Variants in ACTR3C observed in about 807,000 individuals in gnomAD.
ACTR3C encodes the protein actin-related protein 3C.
A neutral mutation model predicts 26.3 loss-of-function variants in ACTR3C; 18 were observed. The ratio of observed to expected loss-of-function variants is 0.68; its 90% CI spans 0.47 to 1.01. ACTR3C has a LOEUF of 1.01. Among genes scored for constraint, ACTR3C ranks in the 50% least tolerant of loss-of-function variants. The pLI is 0.00. For missense variants in ACTR3C, 184 were observed against 250.7 expected, an observed-to-expected ratio of 0.73 and a Z score of 1.80; for synonymous variants, 55 against 94.5, an observed-to-expected ratio of 0.58 and a Z score of 2.42.
Position 150,295,196 on chromosome 7 carries a change from C to T in ACTR3C, c.45+56G>A, listed in dbSNP as rs1836634610. ...CGGAGAACCTTGGGAAATACCATTT[C>T]TTCCGCTACTAGACAGCTCAGGTGC... On this transcript the variant is annotated intron_variant, in intron 2 of 7. Transcript: ENST00000683684. The T allele has an allele frequency of 2.5e-6, 4 of 1,589,066 alleles. No homozygotes were observed. The Admixed American group carries it at 5.1e-5, about 20-fold the overall frequency.
chr7:149,973,103 T>C, the ACTR3C span, among the ~76,000 whole-genome samples: 311 of 151,694 alleles, frequency 2.1e-3, no homozygotes, highest in East Asian at 0.025. Flanking sequence ...AGCACAACTG[T>C]CCCCAGGTAA....
chr7:150,289,377 T>G (rs1451592283), intron 4 of ACTR3C, 73 bp downstream of exon 4: 4 of 1,474,916 alleles, frequency 2.7e-6, no homozygotes, highest in Non-Finnish European at 3.6e-6. Context: ...GCAGGGATGA[T>G]GGCACCAAGG....
chr7:149,885,285 G>A, the ACTR3C span, among the ~76,000 whole-genome samples: 4 of 152,186 alleles, frequency 2.6e-5, no homozygotes, highest in African/African-American at 4.8e-5. Flanking sequence ...AGGCCCTGAG[G>A]GGAGCCGAGT....
At chr7:150,224,883 T>C in the ACTR3C span, among the ~76,000 whole-genome samples, 1,217 of 152,296 alleles carry the variant, frequency 8.0e-3, 8 homozygotes, top group East Asian at 0.025. Context: ...TTTATGAATA[T>C]TTGTATGATA....
At chr7:150,027,239 T>TA in the ACTR3C span, among the ~76,000 whole-genome samples, 2 of 152,170 alleles carry the variant, frequency 1.3e-5, no homozygotes, top group African/African-American at 4.8e-5. Context: ...AATTACCTGA[T>TA]ACCTCGGTGT....
chr7:150,086,587 T>A, the ACTR3C span, among the ~76,000 whole-genome samples: 1 of 152,074 alleles, frequency 6.6e-6, no homozygotes, highest in Non-Finnish European at 1.5e-5. Context: ...GAATTAGGTA[T>A]TAGGTAGTGG....
chr7:150,014,237 C>A, the ACTR3C span, among the ~76,000 whole-genome samples: 1 of 152,082 alleles, frequency 6.6e-6, no homozygotes, highest in Non-Finnish European at 1.5e-5. Flanking sequence ...GGGCGGATCA[C>A]GAGGTCAGGA....
chr7:150,128,812 T>G, the ACTR3C span, among the ~76,000 whole-genome samples: 8 of 152,046 alleles, frequency 5.3e-5, no homozygotes, highest in Non-Finnish European at 1.2e-4. Context: ...TTTTAGACTT[T>G]GGACAACAGG....
chr7:150,177,141 T>G, the ACTR3C span, among the ~76,000 whole-genome samples: 2 of 150,952 alleles, frequency 1.3e-5, no homozygotes, highest in African/African-American at 5.0e-5. Context: ...CTACCTCATT[T>G]ATTTTATAAA....
At chr7:150,050,834 C>T in the ACTR3C span, among the ~76,000 whole-genome samples, 1 of 151,448 alleles carries the variant, frequency 6.6e-6, no homozygotes, top group Non-Finnish European at 1.5e-5. Context: ...TGGCCGGGCG[C>T]GGTGGCTCAC....
chr7:150,109,544 A>G, the ACTR3C span, among the ~76,000 whole-genome samples: 4 of 150,916 alleles, frequency 2.7e-5, no homozygotes, highest in East Asian at 1.9e-4. Context: ...CCATCCATCT[A>G]CTCAGCCTGA....
the ACTR3C span, among the ~76,000 whole-genome samples, chr7:150,031,881 C>T: frequency 6.6e-6 from 1 of 152,132 alleles, no homozygotes; most frequent in East Asian, 1.9e-4. Flanking sequence ...TTTGTTCTTA[C>T]TGGGGGGAAT....
the ACTR3C span, among the ~76,000 whole-genome samples, chr7:150,015,013 C>T: frequency 6.6e-6 from 1 of 152,080 alleles, no homozygotes; most frequent in Admixed American, 6.6e-5. Context: ...ACAAAACAAC[C>T]CCTATGATAC....
the ACTR3C span, among the ~76,000 whole-genome samples, chr7:150,010,693 CAAAA>C: frequency 8.5e-6 from 1 of 118,070 alleles, no homozygotes; most frequent in African/African-American, 3.3e-5. Context: ...GACTCCATCT[CAAAA>C]AAAAAAAAAA....
the ACTR3C span, among the ~76,000 whole-genome samples, chr7:150,036,582 G>A: frequency 6.9e-6 from 1 of 143,956 alleles, no homozygotes; most frequent in African/African-American, 2.5e-5. Flanking sequence ...TCATACAAAG[G>A]CTTGGCTAAT....
the ACTR3C span, among the ~76,000 whole-genome samples, chr7:149,886,403 G>A: frequency 6.6e-6 from 1 of 152,314 alleles, no homozygotes; most frequent in African/African-American, 2.4e-5. Context: ...TGGAGGACGG[G>A]GGGAGGAAGC....
chr7:150,289,106 C>A (rs1836011228), intron 4 of ACTR3C, among the ~76,000 whole-genome samples: 1 of 151,850 alleles, frequency 6.6e-6, no homozygotes. Context: ...GCTGTGGTCG[C>A]CTCCTGATTC....
intron 6 of ACTR3C, among the ~76,000 whole-genome samples, chr7:150,251,638 A>T (rs1832860971): frequency 1.3e-5 from 2 of 152,080 alleles, no homozygotes; most frequent in African/African-American, 4.8e-5. Context: ...GAATGTATTG[A>T]TAATAGAATG....
the ACTR3C span, among the ~76,000 whole-genome samples, chr7:150,083,093 A>G: frequency 6.6e-6 from 1 of 150,828 alleles, no homozygotes; most frequent in African/African-American, 2.4e-5. Flanking sequence ...CTACAGGCAC[A>G]TACCACCATG....
Sources: allele counts gnomAD v4.1 joint callset (sites outside exome capture counted in the v4.1 genomes callset), GRCh38; gene constraint gnomAD v4.1.1; transcripts MANE v1.5; gene names NCBI Gene and HGNC (gene_info 2026-07-23, HGNC 2026-07-21).